Variants in ZNF329 observed in about 807,000 individuals in gnomAD.
ZNF329 encodes the protein zinc finger protein 329.
In ZNF329, 15 loss-of-function variants were observed where a neutral mutation model predicts 26.6. That is an observed-to-expected ratio of 0.56 (90% confidence interval 0.38 to 0.87). The LOEUF is 0.87. Among genes scored for constraint, ZNF329 ranks in the 40% least tolerant of loss-of-function variants. ZNF329 has a pLI of 0.00. For synonymous variants in ZNF329, 239 were observed against 233.5 expected (o/e 1.02, Z -0.21); for missense variants, 651 against 651.9 (o/e 1.00, Z 0.02).
At chr19:58,137,058 T>TA (rs11355450) in intron 3 of ZNF329, 23,025 of 123,720 alleles carry the variant, frequency 0.19, 2,066 homozygotes, top group East Asian at 0.27. Flanking sequence ...TAAGTACAGA[T>TA]AAAAAAAAAA....
chr19:58,141,165 C>CT lies in ZNF329; in HGVS notation c.-9+1391dup, dbSNP rs199568355. ...GCCACCACACCCAGCCTAAATTTTT[C>CT]TTTTTTTTTTGGTAGAGATGAGGTC... On this transcript the variant is annotated intron_variant, in intron 3 of 3. Coordinates refer to ENST00000598312, the MANE Select transcript of ZNF329 (RefSeq NM_024620.4). Among the ~76,000 whole-genome samples, 87 of 145,462 alleles carry CT rather than the reference C, an allele frequency of 6.0e-4. 1 individual carries two copies. In the East Asian group the frequency reaches 0.013, roughly 22 times the overall value.
chr19:58,141,778 A>C (rs1459802310), intron 3 of ZNF329, among the ~76,000 whole-genome samples: 1 of 152,112 alleles, frequency 6.6e-6, no homozygotes, highest in Non-Finnish European at 1.5e-5. Context: ...CTGTAGTCCC[A>C]GCTACTCGGA....
At chr19:58,147,871 G>A (rs904949883) in intron 1 of ZNF329, among the ~76,000 whole-genome samples, 2 of 151,700 alleles carry the variant, frequency 1.3e-5, no homozygotes, top group Admixed American at 6.5e-5. Context: ...CCTATGCCCA[G>A]CCACCACCCC....
At position 58,138,713 on chromosome 19, in the gene ZNF329, T is replaced by C. The variant is rs144570895; in HGVS notation, c.-9+3844A>G. On this transcript the variant is annotated intron_variant, in intron 3 of 3. Coordinates refer to ENST00000598312, the MANE Select transcript of ZNF329 (RefSeq NM_024620.4). ...ACACGTACAGTTAAAAGAAATAAAA[T>C]AGGCTGGGTGCGGTGGCTCACACCT... Among the ~76,000 whole-genome samples the C allele has an allele frequency of 3.7e-3, 562 of 152,156 alleles. 5 individuals are homozygous for C. The highest frequency in any genetic ancestry group is 0.013 in the African/African-American group (536 of 41,526).
chr19:58,137,341 G>A (rs1347883413), intron 3 of ZNF329, among the ~76,000 whole-genome samples: 1 of 152,078 alleles, frequency 6.6e-6, no homozygotes, highest in African/African-American at 2.4e-5. Flanking sequence ...ATCACCTGAG[G>A]TCAGGCATTC....
Position 58,145,089 on chromosome 19 carries a change from C to G in ZNF329, c.-207-1891G>C, listed in dbSNP as rs1295249877. Among the ~76,000 whole-genome samples the G allele has an allele frequency of 7.3e-5, 11 of 150,944 alleles. No homozygotes were observed. In the East Asian group the frequency reaches 2.2e-3, roughly 30 times the overall value. On this transcript the variant is annotated intron_variant, in intron 1 of 3. Transcript: ENST00000598312. ...TGGTCTCGATCTCCTGACCTCGTGA[C>G]CCGCCCGCCTCGGCCTCCCAAAGTG...
At chr19:58,143,578 A>T (rs1036444765) in intron 1 of ZNF329, among the ~76,000 whole-genome samples, 1 of 152,212 alleles carries the variant, frequency 6.6e-6, no homozygotes, top group Non-Finnish European at 1.5e-5. Flanking sequence ...CAGTGAAGGT[A>T]CAGGAAGGAC....
In ZNF329 at chr19:58,128,452, G is replaced by C. The variant is rs778423178; in HGVS notation, c.1052C>G (p.Ala351Gly). 8 of 1,613,402 alleles carry C rather than the reference G, an allele frequency of 5.0e-6. No individual in the cohort carries two copies. In the Admixed American group the frequency reaches 1.3e-4, roughly 27 times the overall value. The change falls in exon 4 of 4, where the codon GCT becomes GGT. Residue 351 changes from alanine (A) to glycine (G), a missense_variant. Ala to Gly is a moderately conservative substitution (Grantham distance 60). Coordinates refer to ENST00000598312, the MANE Select transcript of ZNF329 (RefSeq NM_024620.4). ...KPYECSKCGK[A>G]FRDGSYLTQH... ...GGTGAGGTACGAGCCGTCCCGGAAA[G>C]CCTTTCCACATTTGCTACACTCATA...
intron 3 of ZNF329, chr19:58,132,547 G>A (rs1356816835): frequency 2.0e-5 from 3 of 152,104 alleles, no homozygotes; most frequent in Non-Finnish European, 4.4e-5. Context: ...GGACGCGGTG[G>A]CGCATGCATG....
Position 58,128,390 on chromosome 19 carries a change from C to CA in ZNF329, c.1113dup (p.Glu372Ter). On this transcript the variant is annotated frameshift_variant, in exon 4 of 4. Transcript: ENST00000598312. LOFTEE classifies it high-confidence loss of function. ...AAGGATTTCCCGCACTCTGCACACT[C>CA]AAAGGGCTTTTCTCCAGTGTGAGTC... is the stretch of plus-strand genomic sequence containing the variant. The CA allele has an allele frequency of 6.2e-7, 1 of 1,614,072 alleles. No homozygotes were observed. Among genetic ancestry groups the CA allele is most frequent in the South Asian group, 1.1e-5 (1 of 91,074 alleles).
rs71188087 is a variant in ZNF329, at chr19:58,145,314, CTTTTTTTTTTT to C, written c.-207-2127_-207-2117del. Among the ~76,000 whole-genome samples, 290 of 106,180 alleles carry C rather than the reference CTTTTTTTTTTT, an allele frequency of 2.7e-3. 2 individuals carry two copies. Among genetic ancestry groups the C allele is most frequent in the Non-Finnish European group, 3.7e-3 (204 of 55,586 alleles). The allele number at this position is 106,180 out of a possible 152,430, so 69.7% of individuals were successfully genotyped here. A position where few individuals can be genotyped will look rare whatever the true frequency, so the allele number is the denominator to read the frequency against. On this transcript the variant is annotated intron_variant, in intron 1 of 3. Coordinates refer to ENST00000598312, the MANE Select transcript of ZNF329 (RefSeq NM_024620.4). The stretch of plus-strand genomic sequence containing the variant: ...GCCAAAAAAAATTTCTTTTTTCTTC[CTTTTTTTTTTT>C]TTTTTTTTTTTTTGGAGACAGTGCC...
rs1000715931 is a variant in ZNF329, at chr19:58,128,453, C to T, written c.1051G>A (p.Ala351Thr). ...KPYECSKCGK[A>T]FRDGSYLTQH... ...GTGAGGTACGAGCCGTCCCGGAAAG[C>T]CTTTCCACATTTGCTACACTCATAG... The change falls in exon 4 of 4, where the codon GCT becomes ACT. Residue 351 changes from alanine (A) to threonine (T), a missense_variant. Transcript: ENST00000598312. The T allele has an allele frequency of 9.9e-6, 16 of 1,613,122 alleles. No homozygotes were observed. Among genetic ancestry groups the T allele is most frequent in the Admixed American group, 1.7e-5 (1 of 59,906 alleles).
intron 1 of ZNF329, among the ~76,000 whole-genome samples, chr19:58,145,936 C>A (rs1442052403): frequency 6.8e-6 from 1 of 146,132 alleles, no homozygotes; most frequent in Non-Finnish European, 1.5e-5. Context: ...GGAATGTCAA[C>A]TGAACATCAA....
intron 1 of ZNF329, among the ~76,000 whole-genome samples, chr19:58,147,223 A>C (rs1333706100): frequency 6.8e-6 from 1 of 147,062 alleles, no homozygotes; most frequent in Admixed American, 6.7e-5. Flanking sequence ...GGAGGTGAGG[A>C]GCGTCTCTGC....
chr19:58,133,921 G>A (rs766010376), intron 3 of ZNF329, among the ~76,000 whole-genome samples: 1 of 152,134 alleles, frequency 6.6e-6, no homozygotes, highest in African/African-American at 2.4e-5. Context: ...GAATTAATGG[G>A]ATAGACTAAT....
At chr19:58,146,163 G>T (rs1287700310) in intron 1 of ZNF329, among the ~76,000 whole-genome samples, 3 of 152,018 alleles carry the variant, frequency 2.0e-5, no homozygotes, top group African/African-American at 7.2e-5. Flanking sequence ...TATCAGACAG[G>T]AATTCTGTAT....
At chr19:58,136,884 C>G (rs567926613) in intron 3 of ZNF329, 78 of 178,234 alleles carry the variant, frequency 4.4e-4, no homozygotes, top group African/African-American at 1.8e-3. Context: ...GCATGGTGCC[C>G]TCAGAATGGT....
At chr19:58,152,634 G>A (rs544898950), upstream of ZNF329, among the ~76,000 whole-genome samples, 2 of 152,116 alleles carry the variant, frequency 1.3e-5, no homozygotes, top group African/African-American at 4.8e-5. Flanking sequence ...GAGGCAGGTG[G>A]ATCACTTGAG....
intron 1 of ZNF329, among the ~76,000 whole-genome samples, chr19:58,150,341 C>T (rs187699791): frequency 6.6e-6 from 1 of 152,366 alleles, no homozygotes; most frequent in East Asian, 1.9e-4. Flanking sequence ...CCTACACTGC[C>T]CCTCACACCT....
Sources: gnomAD v4.1 joint callset for allele counts (sites outside exome capture counted in the v4.1 genomes callset) on GRCh38, gnomAD v4.1.1 for gene constraint, MANE v1.5 for transcripts, NCBI Gene and HGNC (gene_info 2026-07-23, HGNC 2026-07-21) for gene names.